Variants in FKTN observed in about 807,000 individuals in gnomAD.
FKTN encodes the protein fukutin, also known as ribitol-5-phosphate transferase FKTN.
Under a neutral mutation model 58.6 loss-of-function variants are expected in FKTN, and 47 were observed. The ratio of observed to expected loss-of-function variants is 0.80; its 90% CI spans 0.63 to 1.02. The LOEUF (loss-of-function observed/expected upper bound fraction) is 1.02, where lower values mean the gene tolerates loss of function less well. Ranked by LOEUF, FKTN falls within the 50% of genes least tolerant of loss-of-function variation. The pLI is 0.00. For missense variants in FKTN, 516 were observed against 537.3 expected (o/e 0.96, Z 0.39); for synonymous variants, 178 against 191.9 (o/e 0.93, Z 0.60).
chr9:105,618,439 T>C (rs1831217507), intron 9 of FKTN, among the ~76,000 whole-genome samples: 1 of 152,126 alleles, frequency 6.6e-6, no homozygotes, highest in South Asian at 2.1e-4. Flanking sequence ...ATGTATAATA[T>C]ACAATTAATA....
At chr9:105,601,729 C>T (rs1827907101) in intron 5 of FKTN, among the ~76,000 whole-genome samples, 1 of 152,136 alleles carries the variant, frequency 6.6e-6, no homozygotes, top group African/African-American at 2.4e-5. Flanking sequence ...CTGGGGGAAA[C>T]TTCTCAATAT....
At chr9:105,568,616 G>A (rs1453649671) in intron 1 of FKTN, among the ~76,000 whole-genome samples, 46 of 152,136 alleles carry the variant, frequency 3.0e-4, no homozygotes, top group African/African-American at 2.9e-4. Flanking sequence ...TTAGAATGGC[G>A]ATCATTAAAA....
At chr9:105,589,934 G>A (rs76891113) in intron 3 of FKTN, among the ~76,000 whole-genome samples, 1,873 of 152,290 alleles carry the variant, frequency 0.012, 54 homozygotes, top group African/African-American at 0.043. Context: ...AGTAGGTAAG[G>A]TTAGAGTTTC....
intron 8 of FKTN, among the ~76,000 whole-genome samples, chr9:105,615,925 G>T (rs1830725076): frequency 6.6e-6 from 1 of 152,190 alleles, no homozygotes; most frequent in African/African-American, 2.4e-5. Flanking sequence ...TGTACTCACT[G>T]TTATTCTTCT....
At chr9:105,564,119 A>T (rs893783087) in intron 1 of FKTN, among the ~76,000 whole-genome samples, 19 of 152,360 alleles carry the variant, frequency 1.2e-4, no homozygotes, top group Non-Finnish European at 2.1e-4. Context: ...TAACAAACAG[A>T]AAGGACATCC....
chr9:105,563,510 C>T (rs766843831), intron 1 of FKTN, among the ~76,000 whole-genome samples: 6 of 152,150 alleles, frequency 3.9e-5, no homozygotes, highest in Non-Finnish European at 8.8e-5. Context: ...TTATATCCCA[C>T]GCCTGGCTCG....
intron 3 of FKTN, 100 bp downstream of exon 3, chr9:105,575,237 T>G: frequency 1.3e-6 from 1 of 776,676 alleles, no homozygotes; most frequent in Middle Eastern, 2.7e-4. Context: ...TCATGGGTAT[T>G]CAAATTCTTG....
chr9:105,569,317 A>G (rs1025214496), intron 1 of FKTN, among the ~76,000 whole-genome samples: 2 of 152,170 alleles, frequency 1.3e-5, no homozygotes, highest in Non-Finnish European at 2.9e-5. Flanking sequence ...ATAAAAAAGA[A>G]TATGCAGTGC....
At chr9:105,604,184 T>G in intron 5 of FKTN, 31 bp from the exon 6 acceptor site, 1 of 1,610,006 alleles carries the variant, frequency 6.2e-7, no homozygotes, top group South Asian at 1.1e-5. Flanking sequence ...TAAGTGTTGT[T>G]TCTTGATGTT....
At chr9:105,617,159 A>G (rs1373432725) in intron 8 of FKTN, among the ~76,000 whole-genome samples, 1 of 152,226 alleles carries the variant, frequency 6.6e-6, no homozygotes, top group African/African-American at 2.4e-5. Context: ...ATCCAACAGC[A>G]ATGCCTATAA....
At chr9:105,585,292 G>A (rs1474021772) in intron 3 of FKTN, among the ~76,000 whole-genome samples, 8 of 152,106 alleles carry the variant, frequency 5.3e-5, no homozygotes, top group Admixed American at 5.2e-4. Context: ...GGTTGTGGTG[G>A]TGCACGCCTG....
chr9:105,617,039 G>C (rs1000431764), intron 8 of FKTN, among the ~76,000 whole-genome samples: 1 of 152,160 alleles, frequency 6.6e-6, no homozygotes, highest in African/African-American at 2.4e-5. Flanking sequence ...TTTTCTGTCT[G>C]ATTTAAGGGC....
chr9:105,572,192 C>G (rs1002672897), intron 1 of FKTN, among the ~76,000 whole-genome samples: 1 of 151,308 alleles, frequency 6.6e-6, no homozygotes, highest in South Asian at 2.1e-4. Flanking sequence ...GTTCACATCA[C>G]TATTGGTATT....
At chr9:105,562,118 C>T (rs2131665670) in intron 1 of FKTN, among the ~76,000 whole-genome samples, 1 of 152,296 alleles carries the variant, frequency 6.6e-6, no homozygotes, top group African/African-American at 2.4e-5. Flanking sequence ...TAATGAATTG[C>T]CTGAAGGATT....
At chr9:105,609,691 C>T (rs1459724519) in intron 7 of FKTN, among the ~76,000 whole-genome samples, 2 of 152,004 alleles carry the variant, frequency 1.3e-5, no homozygotes, top group Admixed American at 6.6e-5. Context: ...GGGGTTTGTC[C>T]GGGGGTTCCT....
intron 3 of FKTN, among the ~76,000 whole-genome samples, chr9:105,590,747 A>G (rs959012401): frequency 1.3e-5 from 2 of 152,164 alleles, no homozygotes; most frequent in Non-Finnish European, 2.9e-5. Flanking sequence ...TTAAGGTGCT[A>G]TGTTAATCTG....
intron 4 of FKTN, chr9:105,598,289 C>A: frequency 3.1e-6 from 1 of 322,894 alleles, no homozygotes; most frequent in Non-Finnish European, 6.4e-6. Flanking sequence ...GAAGTACTAA[C>A]ATACTTCTAA....
At chr9:105,575,171 TTTC>T in intron 3 of FKTN, 34 bp downstream of exon 3, 1 of 1,101,138 alleles carries the variant, frequency 9.1e-7, no homozygotes, top group Non-Finnish European at 1.4e-6. Context: ...TCATTCCTCC[TTTC>T]TTATCATTGT....
intron 5 of FKTN, among the ~76,000 whole-genome samples, chr9:105,601,814 G>T (rs546049023): frequency 6.6e-6 from 1 of 152,202 alleles, no homozygotes; most frequent in African/African-American, 2.4e-5. Context: ...TTTTTACAAA[G>T]AATATTTTAT....
Sources: allele counts gnomAD v4.1 joint callset (sites outside exome capture counted in the v4.1 genomes callset), GRCh38; gene constraint gnomAD v4.1.1; transcripts MANE v1.5; gene names NCBI Gene and HGNC (gene_info 2026-07-23, HGNC 2026-07-21).